Variants in RGS6 observed in about 807,000 individuals in gnomAD.
The protein encoded by RGS6 is regulator of G-protein signaling 6.
In RGS6, 30 loss-of-function variants were observed where a neutral mutation model predicts 78.5. The observed-to-expected ratio is 0.38, with a 90% confidence interval of 0.29 to 0.52. The LOEUF is 0.52. Ranked by LOEUF, RGS6 falls within the 20% of genes least tolerant of loss-of-function variation. The pLI is 0.85. For missense variants in RGS6, 495 were observed against 609.7 expected (o/e 0.81, Z 1.98); for synonymous variants, 206 against 206.0 (o/e 1.00, Z 0.00).
intron 2 of RGS6, among the ~76,000 whole-genome samples, chr14:72,027,284 A>C (rs2090063042): frequency 6.6e-6 from 1 of 152,120 alleles, no homozygotes; most frequent in African/African-American, 2.4e-5. Flanking sequence ...ATATGTGCAT[A>C]TTGAAAGAAA....
chr14:72,405,137 C>G (rs567129478), intron 3 of RGS6, among the ~76,000 whole-genome samples: 1 of 152,122 alleles, frequency 6.6e-6, no homozygotes, highest in Non-Finnish European at 1.5e-5. Flanking sequence ...GAGACTGGGT[C>G]GCTGTGCTAA....
intron 2 of RGS6, among the ~76,000 whole-genome samples, chr14:72,345,454 G>A (rs2681731): frequency 0.46 from 70,553 of 152,086 alleles, 16,672 homozygotes; most frequent in South Asian, 0.6. Context: ...CATAGTTAGC[G>A]GGTGGAATCC....
At chr14:72,263,318 C>T (rs1180659086) in intron 2 of RGS6, among the ~76,000 whole-genome samples, 2 of 152,086 alleles carry the variant, frequency 1.3e-5, no homozygotes, top group Non-Finnish European at 2.9e-5. Context: ...TGAAAGTCAA[C>T]TGATGTCATG....
the RGS6 span, among the ~76,000 whole-genome samples, chr14:72,603,663 G>C: frequency 2.0e-5 from 3 of 152,132 alleles, no homozygotes; most frequent in African/African-American, 7.2e-5. Flanking sequence ...AGCTGACAAC[G>C]AGCAGGGAGC....
chr14:72,025,388 C>T (rs767071298), intron 2 of RGS6, among the ~76,000 whole-genome samples: 8 of 151,816 alleles, frequency 5.3e-5, no homozygotes, highest in East Asian at 1.9e-4. Flanking sequence ...ATGTACTTGC[C>T]GAATAGTGTT....
chr14:72,113,616 A>G (rs893417718), intron 2 of RGS6, among the ~76,000 whole-genome samples: 1 of 152,188 alleles, frequency 6.6e-6, no homozygotes, highest in Non-Finnish European at 1.5e-5. Flanking sequence ...GTTAATTATT[A>G]TTGCCCATGC....
chr14:72,244,923 C>T (rs1464298477), intron 2 of RGS6, among the ~76,000 whole-genome samples: 7 of 151,888 alleles, frequency 4.6e-5, no homozygotes, highest in African/African-American at 1.2e-4. Flanking sequence ...CTCCTGGGTT[C>T]GAGTGATTCT....
intron 2 of RGS6, among the ~76,000 whole-genome samples, chr14:72,098,776 G>A (rs2095466117): frequency 6.6e-6 from 1 of 152,118 alleles, no homozygotes; most frequent in South Asian, 2.1e-4. Context: ...CCTGTAAAAT[G>A]GTACTGCATG....
chr14:72,217,566 A>T (rs1228631383), intron 2 of RGS6, among the ~76,000 whole-genome samples: 3 of 152,192 alleles, frequency 2.0e-5, no homozygotes, highest in Non-Finnish European at 4.4e-5. Context: ...AAAAAAAAGT[A>T]ACACAATATG....
chr14:72,190,699 A>G lies in RGS6; in HGVS notation c.85-161396A>G, dbSNP rs561880959. On this transcript the variant is annotated intron_variant, in intron 2 of 17. Coordinates refer to ENST00000553525, the MANE Select transcript of RGS6 (RefSeq NM_001204424.2). ...GTATGTAGAGGAGAATCTAGGAGATACAATGCAAGGGCTGAGAATTTGGGA... is the reference window on the plus strand; with the variant it reads ...GTATGTAGAGGAGAATCTAGGAGATGCAATGCAAGGGCTGAGAATTTGGGA... 3.3e-5 allele frequency among the ~76,000 whole-genome samples: 5 copies of G among 152,360 alleles called. No individual in the cohort carries two copies. In the East Asian group the frequency reaches 5.8e-4, roughly 18 times the overall value.
At chr14:72,478,180 G>C (rs1363189656) in intron 11 of RGS6, 88 bp from the exon 12 acceptor site, 1 of 906,960 alleles carries the variant, frequency 1.1e-6, no homozygotes, top group Non-Finnish European at 1.8e-6. Context: ...TTTGGATCTT[G>C]GTGGAAATGC....
At chr14:71,953,529 A>G (rs185155342) in intron 1 of RGS6, among the ~76,000 whole-genome samples, 3 of 151,946 alleles carry the variant, frequency 2.0e-5, no homozygotes, top group Admixed American at 1.3e-4. Context: ...CTTAGCAAAG[A>G]GATCATATAA....
chr14:72,211,185 G>C (rs1238532780), intron 2 of RGS6, among the ~76,000 whole-genome samples: 1 of 152,176 alleles, frequency 6.6e-6, no homozygotes, highest in Non-Finnish European at 1.5e-5. Flanking sequence ...TGGAGGTTTT[G>C]AAGAATCAGA....
intron 2 of RGS6, among the ~76,000 whole-genome samples, chr14:72,245,237 CTT>C (rs1367674772): frequency 1.3e-5 from 2 of 152,212 alleles, no homozygotes; most frequent in Non-Finnish European, 1.5e-5. Context: ...AGGGAAATGA[CTT>C]TGCTGAGACC....
At chr14:72,589,304 C>A in the RGS6 span, among the ~76,000 whole-genome samples, 473 of 152,340 alleles carry the variant, frequency 3.1e-3, 3 homozygotes, top group Middle Eastern at 0.044. Flanking sequence ...AATCCCAACA[C>A]TTTGGGAGGC....
intron 17 of RGS6, among the ~76,000 whole-genome samples, chr14:72,558,887 G>C (rs1270145390): frequency 6.6e-6 from 1 of 152,186 alleles, no homozygotes; most frequent in Non-Finnish European, 1.5e-5. Flanking sequence ...TTGGACAAAG[G>C]CTGCCTGCTA....
At chr14:72,156,996 G>C (rs2096782288) in intron 2 of RGS6, among the ~76,000 whole-genome samples, 1 of 152,190 alleles carries the variant, frequency 6.6e-6, no homozygotes, top group South Asian at 2.1e-4. Flanking sequence ...TGAATCTGTT[G>C]TCATTATCAG....
At chr14:72,250,843 A>T (rs2055564739) in intron 2 of RGS6, among the ~76,000 whole-genome samples, 1 of 152,330 alleles carries the variant, frequency 6.6e-6, no homozygotes, top group South Asian at 2.1e-4. Flanking sequence ...CCAGGGTTAG[A>T]TCCTGTAGGG....
At chr14:72,313,069 C>G (rs958350820) in intron 2 of RGS6, among the ~76,000 whole-genome samples, 3 of 152,224 alleles carry the variant, frequency 2.0e-5, no homozygotes, top group Admixed American at 1.3e-4. Context: ...AATTCTAGCT[C>G]TGCCCCTTAC....
Sources: allele counts gnomAD v4.1 joint callset (sites outside exome capture counted in the v4.1 genomes callset), GRCh38; gene constraint gnomAD v4.1.1; transcripts MANE v1.5; gene names NCBI Gene and HGNC (gene_info 2026-07-23, HGNC 2026-07-21).